MYO9A: variants seen among roughly 807,000 people sequenced by gnomAD.
MYO9A encodes the protein myosin IXA.
In MYO9A, 103 loss-of-function variants were observed where a neutral mutation model predicts 293.3. That is an observed-to-expected ratio of 0.35 (90% confidence interval 0.30 to 0.41). The LOEUF is 0.41. MYO9A is among the 10% of genes least tolerant of loss of function. MYO9A has a pLI of 1.00. For synonymous variants in MYO9A, 1,001 were observed against 1,035.7 expected (o/e 0.97, Z 0.64); for missense variants, 2,685 against 3,033.0 (o/e 0.89, Z 2.69).
intron 26 of MYO9A, chr15:71,892,876 G>C (rs1416280487): frequency 3.7e-6 from 3 of 816,154 alleles, no homozygotes; most frequent in African/African-American, 1.8e-5. Flanking sequence ...CCATTACATG[G>C]GAAGAAGCTG....
chr15:72,101,002 C>A (rs1204376360), intron 1 of MYO9A, among the ~76,000 whole-genome samples: 2 of 133,536 alleles, frequency 1.5e-5, no homozygotes, highest in Non-Finnish European at 3.3e-5. Flanking sequence ...CCAGCCGCCC[C>A]GTCCGGGAGG....
At chr15:71,996,026 T>C (rs2076689954) in intron 9 of MYO9A, among the ~76,000 whole-genome samples, 1 of 152,184 alleles carries the variant, frequency 6.6e-6, no homozygotes, top group Non-Finnish European at 1.5e-5. Flanking sequence ...TGTGGAGTTT[T>C]AGAATATTTT....
At chr15:72,071,406 A>C (rs1310508318) in intron 1 of MYO9A, among the ~76,000 whole-genome samples, 1 of 152,242 alleles carries the variant, frequency 6.6e-6, no homozygotes, top group Non-Finnish European at 1.5e-5. Flanking sequence ...AGATGTTGGC[A>C]AGTATGTGGA....
Position 71,900,238 on chromosome 15 carries a change from A to T in MYO9A, c.3151-232T>A, listed in dbSNP as rs7183748. Among the ~76,000 whole-genome samples the T allele has an allele frequency of 0.71, 107,806 of 151,800 alleles. 38,796 individuals are homozygous for T. The highest frequency in any genetic ancestry group is 0.76 in the Non-Finnish European group (51,664 of 67,924). On this transcript the variant is annotated intron_variant, in intron 23 of 41. Coordinates refer to ENST00000356056, the MANE Select transcript of MYO9A (RefSeq NM_006901.4). ...TCATGAGGTCAGGAGATAGAGACCA[A>T]CCTGGCTAACATGGTGAAACCCCGT...
At chr15:72,033,325 C>A (rs1028961980) in intron 2 of MYO9A, among the ~76,000 whole-genome samples, 3 of 152,018 alleles carry the variant, frequency 2.0e-5, no homozygotes, top group Admixed American at 2.0e-4. Flanking sequence ...AAAATAATTA[C>A]AATTTTAGAA....
At chr15:72,088,727 T>C (rs1334007151) in intron 1 of MYO9A, among the ~76,000 whole-genome samples, 2 of 152,212 alleles carry the variant, frequency 1.3e-5, no homozygotes, top group Non-Finnish European at 2.9e-5. Flanking sequence ...CTGATTATCT[T>C]ATTGCTCTTA....
intron 19 of MYO9A, among the ~76,000 whole-genome samples, chr15:71,914,550 G>T (rs2057954003): frequency 1.3e-5 from 2 of 152,150 alleles, no homozygotes; most frequent in South Asian, 2.1e-4. Flanking sequence ...AATTGGAGAA[G>T]AACTTAGACA....
chr15:72,107,460 A>G (rs1251869617), intron 1 of MYO9A, among the ~76,000 whole-genome samples: 1 of 152,198 alleles, frequency 6.6e-6, no homozygotes, highest in African/African-American at 2.4e-5. Flanking sequence ...GAGGCAGGAG[A>G]ATCACTTGAA....
intron 14 of MYO9A, among the ~76,000 whole-genome samples, chr15:71,958,240 A>C (rs2059248216): frequency 6.6e-6 from 1 of 152,126 alleles, no homozygotes; most frequent in African/African-American, 2.4e-5. Flanking sequence ...ATATGACTGC[A>C]TAATATTTAC....
chr15:72,004,432 C>G (rs1235318338), intron 8 of MYO9A, among the ~76,000 whole-genome samples: 1 of 152,104 alleles, frequency 6.6e-6, no homozygotes, highest in Non-Finnish European at 1.5e-5. Context: ...TGGCGCATAC[C>G]TGTAATCTCA....
rs185932288 is a variant in MYO9A at position 72,014,850 on chromosome 15, T to A, written c.1155+4189A>T. 3.4e-4 allele frequency among the ~76,000 whole-genome samples: 52 copies of A among 152,092 alleles called. 1 individual carries two copies. The highest frequency in any genetic ancestry group is 5.4e-4 in the Non-Finnish European group (37 of 67,974). ...AAAAGAGGATGTTAAGTGCTTTTTT[T>A]AAATTTTTTTGAGACAGGGTTTCAC... is the stretch of plus-strand genomic sequence containing the variant. On this transcript the variant is annotated intron_variant, in intron 6 of 41. Coordinates refer to ENST00000356056, the MANE Select transcript of MYO9A (RefSeq NM_006901.4).
At chr15:71,850,790 A>AAAT (rs2055608633) in intron 37 of MYO9A, among the ~76,000 whole-genome samples, 1 of 148,102 alleles carries the variant, frequency 6.8e-6, no homozygotes, top group African/African-American at 2.5e-5. Flanking sequence ...AAAAAAAAAA[A>AAAT]AAAAAAAAAA....
At chr15:71,906,758 C>CTTTTTTTTTTTTTTTTTTTTTTTT (rs71131714) in intron 19 of MYO9A, among the ~76,000 whole-genome samples, 15 of 61,032 alleles carry the variant, frequency 2.5e-4, no homozygotes, top group African/African-American at 7.0e-4. Flanking sequence ...CCATTTCTTT[C>CTTTTTTTTTTTTTTTTTTTTTTTT]TTTTTTTTTT....
intron 7 of MYO9A, among the ~76,000 whole-genome samples, chr15:72,009,480 T>C (rs1283212205): frequency 6.6e-6 from 1 of 151,990 alleles, no homozygotes; most frequent in African/African-American, 2.4e-5. Flanking sequence ...ATCCTAGCAC[T>C]TTCAGAGGTC....
intron 18 of MYO9A, among the ~76,000 whole-genome samples, chr15:71,924,397 A>G (rs1429884147): frequency 1.3e-5 from 2 of 151,882 alleles, no homozygotes; most frequent in Non-Finnish European, 2.9e-5. Flanking sequence ...GCCTGCCACC[A>G]TGCCTGGCTA....
rs539339647 is a variant in MYO9A at position 72,061,945 on chromosome 15, C to T, written c.-71-15311G>A. Among the ~76,000 whole-genome samples the T allele has an allele frequency of 7.9e-5, 12 of 152,292 alleles. No homozygotes were observed. In the East Asian group the frequency reaches 1.5e-3, roughly 20 times the overall value. The stretch of plus-strand genomic sequence containing the variant: ...AGCACAGTCCAAGAGGTGGTGGTCA[C>T]GGCGGTGCTTGGGTCACACCTCCCC... On this transcript the variant is annotated intron_variant, in intron 1 of 41. Transcript: ENST00000356056.
At chr15:71,956,404 C>T (rs1029965800) in intron 14 of MYO9A, among the ~76,000 whole-genome samples, 4 of 141,492 alleles carry the variant, frequency 2.8e-5, no homozygotes, top group African/African-American at 7.9e-5. Context: ...TTTGGGAGGC[C>T]GAGGCAGGTG....
rs1395999244 is a variant in MYO9A, at chr15:72,117,785, C to G, written c.-177G>C. The G allele has an allele frequency of 2.5e-6, 1 of 398,140 alleles. No homozygotes were observed. Among genetic ancestry groups the G allele is most frequent in the Non-Finnish European group, 4.4e-6 (1 of 225,506 alleles). The allele number at this position is 398,140 out of a possible 1,614,324, so 24.7% of individuals were successfully genotyped here. On this transcript the variant is annotated 5_prime_UTR_variant, in exon 1 of 42. Transcript: ENST00000356056. Reference sequence around the variant, plus strand: ...CCGGAGATGGCAGAAGAGGCCGAGGCCACCGAGGGTCGGACGGTTCCGGGA... The same window carrying G: ...CCGGAGATGGCAGAAGAGGCCGAGGGCACCGAGGGTCGGACGGTTCCGGGA...
In MYO9A at chr15:72,076,353, T is replaced by C. The variant is rs548167362; in HGVS notation, c.-71-29719A>G. Among the ~76,000 whole-genome samples, 6 of 151,258 alleles carry C rather than the reference T, an allele frequency of 4.0e-5. No individual in the cohort carries two copies. The South Asian group carries it at 1.3e-3, about 32-fold the overall frequency. ...TAGTCTCAGATAATGAGACTTTATA[T>C]ATGGAGGATCCAAAGAAATAGACAA... On this transcript the variant is annotated intron_variant, in intron 1 of 41. Coordinates refer to ENST00000356056, the MANE Select transcript of MYO9A (RefSeq NM_006901.4).
Sources: allele counts gnomAD v4.1 joint callset (sites outside exome capture counted in the v4.1 genomes callset), GRCh38; gene constraint gnomAD v4.1.1; transcripts MANE v1.5; gene names NCBI Gene and HGNC (gene_info 2026-07-23, HGNC 2026-07-21).